The following LRR1 variants were observed in gnomAD, a reference collection of about 807,000 sequenced individuals.
The protein encoded by LRR1 is leucine rich repeat protein 1, also known as leucine-rich repeat protein 1.
Under a neutral mutation model 31.6 loss-of-function variants are expected in LRR1, and 29 were observed. That is an observed-to-expected ratio of 0.92 (90% CI 0.68 to 1.25). The LOEUF is 1.25. Among genes scored for constraint, LRR1 ranks in the 50% most tolerant of loss-of-function variants. The pLI is 0.00. For synonymous variants in LRR1, 179 were observed against 181.4 expected, an observed-to-expected ratio of 0.99 and a Z score of 0.10; for missense variants, 485 against 487.2, an observed-to-expected ratio of 1.00 and a Z score of 0.04.
chr14:49,600,973 G>A, intron 1 of LRR1: 2 of 1,588,798 alleles, frequency 1.3e-6, no homozygotes, highest in African/African-American at 2.7e-5. Flanking sequence ...AGCCCTTACA[G>A]AATCTGCACA....
chr14:49,602,607 G>T (rs1156468843), intron 2 of LRR1, 139 bp downstream of exon 2: 2 of 650,644 alleles, frequency 3.1e-6, no homozygotes, highest in African/African-American at 3.7e-5. Context: ...AGGCTCAAGC[G>T]AGCCTCCTGA....
chr14:49,607,650 GC>G lies in LRR1; in HGVS notation c.535del (p.Arg180GlyfsTer3), dbSNP rs1248636871. The G allele has an allele frequency of 1.2e-6, 2 of 1,613,958 alleles. No homozygotes were observed. Among genetic ancestry groups the G allele is most frequent in the South Asian group, 2.2e-5 (2 of 91,064 alleles). On this transcript the variant is annotated frameshift_variant, in exon 3 of 4. Coordinates refer to ENST00000298288, the MANE Select transcript of LRR1 (RefSeq NM_152329.4). LOFTEE classifies it high-confidence loss of function. ...GATATGCGTATGCTTTGCTTAAAAA[GC>G]CTTAGGAAATTAGACTTGAGTCACA... The part of the protein sequence containing the change: ...RVDMRMLCLK[S>X]LRKLDLSHNH...
At chr14:49,606,648 AAT>A (rs1491585646) in intron 2 of LRR1, among the ~76,000 whole-genome samples, 16 of 67,444 alleles carry the variant, frequency 2.4e-4, no homozygotes, top group Admixed American at 2.2e-3. Context: ...CTTAAACTCA[AAT>A]TTTTTTTTTT....
At chr14:49,600,987 A>G in intron 1 of LRR1, 2 of 1,603,300 alleles carry the variant, frequency 1.2e-6, no homozygotes, top group Non-Finnish European at 1.7e-6. Context: ...CTGCACAAAG[A>G]AATATCTCCC....
chr14:49,603,803 C>T (rs1005466993), intron 2 of LRR1, among the ~76,000 whole-genome samples: 3 of 147,466 alleles, frequency 2.0e-5, no homozygotes, highest in Non-Finnish European at 4.5e-5. Flanking sequence ...AAGCGATTCT[C>T]CTGCCCCAGC....
chr14:49,603,754 C>T (rs1320310796), intron 2 of LRR1: 4 of 926,212 alleles, frequency 4.3e-6, no homozygotes, highest in Non-Finnish European at 3.8e-6. Context: ...ATTACAGTGG[C>T]GTGATCTCAG....
Position 49,599,163 on chromosome 14 carries a change from T to A in LRR1, c.143T>A (p.Leu48His). The A allele has an allele frequency of 6.2e-7, 1 of 1,609,308 alleles. No individual in the cohort carries two copies. The highest frequency in any genetic ancestry group is 8.5e-7 in the Non-Finnish European group (1 of 1,178,120). Reference protein sequence around the residue: ...RSQPPVRAFLLISTLKDKRGT... With the variant: ...RSQPPVRAFLHISTLKDKRGT... ...CAGCCGCCGGTCCGAGCCTTCCTGC[T>A]CATCTCCACCCTGAAGGACAAGCGC... The change falls in exon 1 of 4, where the codon CTC (leucine) becomes CAC (histidine). Residue 48 changes from leucine (L) to histidine (H), a missense_variant. By Grantham distance (99) the Leu-to-His change is moderately conservative (BLOSUM62 -3). Around this residue, in one of 3 missense-constraint regions of LRR1, gnomAD observed 260 missense variants for 249.6 expected, o/e 1.04. Coordinates refer to ENST00000298288, the MANE Select transcript of LRR1 (RefSeq NM_152329.4).
chr14:49,600,376 A>T, intron 1 of LRR1: 2 of 1,594,834 alleles, frequency 1.3e-6, no homozygotes, highest in South Asian at 2.2e-5. Context: ...CTCCGAGATG[A>T]CCCCAAAACT....
At chr14:49,608,236 T>C in intron 3 of LRR1, 115 bp downstream of exon 3, 1 of 1,120,574 alleles carries the variant, frequency 8.9e-7, no homozygotes, top group Non-Finnish European at 1.2e-6. Flanking sequence ...GTCTGACCCT[T>C]TGCTATAATG....
intron 1 of LRR1, chr14:49,600,989 A>G (rs1882032244): frequency 6.2e-7 from 1 of 1,604,106 alleles, no homozygotes; most frequent in Non-Finnish European, 8.5e-7. Context: ...GCACAAAGAA[A>G]TATCTCCCTT....
At chr14:49,607,317 C>A in intron 2 of LRR1, 83 bp from the exon 3 acceptor site, 1 of 1,315,046 alleles carries the variant, frequency 7.6e-7, no homozygotes, top group South Asian at 1.9e-5. Flanking sequence ...ATAAGTAATG[C>A]CATAGAATTT....
intron 2 of LRR1, chr14:49,603,523 C>CTTCTTTTTTTTTT (rs1319657896): frequency 7.1e-5 from 7 of 99,102 alleles, no homozygotes; most frequent in East Asian, 3.2e-4. Context: ...TCTTCTTCTT[C>CTTCTTTTTTTTTT]TTTTTTTTTT....
chr14:49,614,158 A>G, intron 3 of LRR1, 98 bp from the exon 4 acceptor site: 1 of 1,242,176 alleles, frequency 8.1e-7, no homozygotes, highest in Non-Finnish European at 1.1e-6. Context: ...TAATCGCTTA[A>G]TAATTTTACT....
chr14:49,612,622 A>G (rs1566498069), intron 3 of LRR1: 8 of 1,060,468 alleles, frequency 7.5e-6, no homozygotes, highest in Non-Finnish European at 1.2e-6. Flanking sequence ...TCCCGTACCA[A>G]AGGTAACCGC....
At chr14:49,606,739 C>A (rs1384168310) in intron 2 of LRR1, among the ~76,000 whole-genome samples, 2 of 151,478 alleles carry the variant, frequency 1.3e-5, no homozygotes, top group South Asian at 4.2e-4. Flanking sequence ...TCACTGCAAC[C>A]TCCGCCTCCC....
At chr14:49,603,006 T>A (rs1050035327) in intron 2 of LRR1, among the ~76,000 whole-genome samples, 3 of 151,232 alleles carry the variant, frequency 2.0e-5, no homozygotes, top group Non-Finnish European at 4.4e-5. Context: ...TGGCTGATTT[T>A]TTTTTTTTTT....
intron 3 of LRR1, among the ~76,000 whole-genome samples, chr14:49,611,689 G>A (rs1296207650): frequency 6.6e-6 from 1 of 152,128 alleles, no homozygotes. Context: ...TTGGGAGGTC[G>A]AGGTGGGTGG....
intron 3 of LRR1, 116 bp downstream of exon 3, chr14:49,608,237 T>G: frequency 9.1e-7 from 1 of 1,094,344 alleles, no homozygotes. Context: ...TCTGACCCTT[T>G]GCTATAATGG....
At position 49,607,804 on chromosome 14, in the gene LRR1, G is replaced by T. The variant is rs372797984; in HGVS notation, c.687G>T (p.Arg229=). ...ATTCTACACTCCAGAAGTCACTTCG[G>T]AGTTTGGACCTCAGCAAGAACAAAA... The part of the protein sequence containing the change: ...LCHSTLQKSL[R]SLDLSKNKIK... Residue 229 remains arginine (R), a synonymous_variant, in exon 3 of 4, where the codon CGG becomes CGT. Coordinates refer to ENST00000298288, the MANE Select transcript of LRR1 (RefSeq NM_152329.4). The T allele has an allele frequency of 2.7e-5, 43 of 1,613,994 alleles. No homozygotes were observed. The highest frequency in any genetic ancestry group is 2.0e-4 in the East Asian group (9 of 44,894).
Sources: allele counts gnomAD v4.1 joint callset (sites outside exome capture counted in the v4.1 genomes callset), GRCh38; gene constraint gnomAD v4.1.1; regional missense constraint gnomAD v4.1.1; transcripts MANE v1.5; gene names NCBI Gene and HGNC (gene_info 2026-07-23, HGNC 2026-07-21).